The following CTNS variants were observed in gnomAD, a reference collection of about 807,000 sequenced individuals.
CTNS encodes cystinosin, lysosomal cystine transporter.
In CTNS, 27 loss-of-function variants were observed where a neutral mutation model predicts 43.7. The ratio of observed to expected loss-of-function variants is 0.62; its 90% CI spans 0.46 to 0.85. CTNS has a LOEUF of 0.85. Ranked by LOEUF, CTNS falls within the 40% of genes least tolerant of loss-of-function variation. The probability of loss-of-function intolerance (pLI) is 0.00; values close to 1 mark genes in which losing one functional copy is unlikely to be tolerated. For missense variants in CTNS, 457 were observed against 475.4 expected (o/e 0.96, Z 0.36); for synonymous variants, 187 against 190.6 (o/e 0.98, Z 0.16).
At chr17:3,643,837 G>C (rs2075779069) in intron 3 of CTNS, among the ~76,000 whole-genome samples, 1 of 152,166 alleles carries the variant, frequency 6.6e-6, no homozygotes, top group African/African-American at 2.4e-5. Context: ...AAAGTGCTGG[G>C]ATTACAGGCG....
intron 3 of CTNS, among the ~76,000 whole-genome samples, chr17:3,641,175 C>T (rs1046014656): frequency 7.3e-5 from 11 of 151,600 alleles, no homozygotes; most frequent in African/African-American, 2.7e-4. Flanking sequence ...TTTACACGTC[C>T]TTGTAGGAGG....
At chr17:3,647,625 C>A in intron 4 of CTNS, 103 bp downstream of exon 4, 1 of 1,017,536 alleles carries the variant, frequency 9.8e-7, no homozygotes, top group Non-Finnish European at 1.5e-6. Context: ...ATGCGCTATT[C>A]TTGCCTCTTA....
chr17:3,658,305 A>G (rs2076204598), intron 10 of CTNS, 130 bp downstream of exon 10: 1 of 1,289,758 alleles, frequency 7.8e-7, no homozygotes, highest in African/African-American at 1.5e-5. Flanking sequence ...GGAGCCCGGG[A>G]GCCCAGCGGG....
intron 2 of CTNS, 54 bp from the exon 3 acceptor site, chr17:3,640,134 G>C (rs111824707): frequency 3.7e-5 from 52 of 1,408,182 alleles, no homozygotes; most frequent in African/African-American, 3.1e-4. Flanking sequence ...TCTACAGGGA[G>C]CTGAGCTGAT....
In CTNS at chr17:3,650,526, T is replaced by C. The variant is rs2075954419; in HGVS notation, c.225+1595T>C. ...ATAAAATGTTTAAAAATAACAGCAT[T>C]GCTGAGAGGGGATCTCGGAGTGTCC... On this transcript the variant is annotated intron_variant, in intron 5 of 11. Coordinates refer to ENST00000046640, the MANE Select transcript of CTNS (RefSeq NM_004937.3). 8.5e-6 allele frequency: 5 copies of C among 590,228 alleles called. No individual in the cohort carries two copies. The East Asian group carries it at 1.9e-4, about 22-fold the overall frequency. The allele number at this position is 590,228 out of a possible 1,614,324, so 36.6% of individuals were successfully genotyped here.
At chr17:3,638,475 T>G (rs1389093686) in intron 2 of CTNS, among the ~76,000 whole-genome samples, 2 of 151,858 alleles carry the variant, frequency 1.3e-5, no homozygotes, top group Admixed American at 1.3e-4. Context: ...TGACTTCAAG[T>G]GATCCAACTG....
intron 5 of CTNS, among the ~76,000 whole-genome samples, chr17:3,654,662 C>T (rs565738756): frequency 1.9e-4 from 25 of 132,536 alleles, no homozygotes; most frequent in African/African-American, 6.2e-4. Context: ...GCCTGGGTGA[C>T]AGAGCGAGAC....
chr17:3,657,974 G>A (rs1395268773), intron 9 of CTNS, 31 bp from the exon 10 acceptor site: 3 of 1,603,698 alleles, frequency 1.9e-6, no homozygotes, highest in Non-Finnish European at 2.5e-6. Flanking sequence ...CTCTGTGTGG[G>A]TCCACATCTC....
At chr17:3,656,617 C>A in intron 8 of CTNS, 31 bp downstream of exon 8, 2 of 1,612,520 alleles carry the variant, frequency 1.2e-6, no homozygotes, top group Non-Finnish European at 1.7e-6. Context: ...CATCTCTGCC[C>A]ACATGGCGTG....
chr17:3,654,944 G>T (rs761775514), intron 5 of CTNS, 54 bp from the exon 6 acceptor site: 11 of 1,272,998 alleles, frequency 8.6e-6, no homozygotes, highest in African/African-American at 1.5e-5. Flanking sequence ...AGATGCCAGC[G>T]GGGTCCTCGG....
chr17:3,641,564 T>G (rs957952285), intron 3 of CTNS, among the ~76,000 whole-genome samples: 2 of 151,246 alleles, frequency 1.3e-5, no homozygotes, highest in East Asian at 3.9e-4. Flanking sequence ...GCTAGTTTTT[T>G]GTATTTTTAG....
In CTNS at chr17:3,656,725, A is replaced by T; in HGVS notation, c.611A>T (p.Asn204Ile). 2 of 1,613,418 alleles carry T rather than the reference A, an allele frequency of 1.2e-6. 1 individual carries two copies. Among genetic ancestry groups the T allele is most frequent in the South Asian group, 2.2e-5 (2 of 91,062 alleles). The change falls in exon 9 of 12, where the codon AAC becomes ATC. Residue 204 changes from asparagine (N) to isoleucine (I), a missense_variant. Transcript: ENST00000046640. ...AACGGAGTGAACCCCGTGAACAGCA[A>T]CGACGTCTTCTTCAGCCTGCACGCG... is the stretch of plus-strand genomic sequence containing the variant. ...YPNGVNPVNS[N>I]DVFFSLHAVV...
Position 3,641,777 on chromosome 17 carries a change from G to A in CTNS, c.61+1510G>A, listed in dbSNP as rs565914429. On this transcript the variant is annotated intron_variant, in intron 3 of 11. Coordinates refer to ENST00000046640, the MANE Select transcript of CTNS (RefSeq NM_004937.3). The stretch of plus-strand genomic sequence containing the variant: ...TTCCCCAGAGCCTAGCACCATTGCC[G>A]TTATCTGGCCTCTTGCATCTCTGAG... 1.2e-4 allele frequency among the ~76,000 whole-genome samples: 19 copies of A among 152,182 alleles called. No homozygotes were observed. The South Asian group carries it at 2.9e-3, about 23-fold the overall frequency.
In CTNS at chr17:3,647,834, C is replaced by G. The variant is rs994379738; in HGVS notation, c.140+312C>G. ...GTTGAGGCCAGATTTCAAAGCGATT[C>G]TTTCTAAGACTAAGTATTTGAAGAG... On this transcript the variant is annotated intron_variant, in intron 4 of 11. Transcript: ENST00000046640. 9.2e-5 allele frequency among the ~76,000 whole-genome samples: 14 copies of G among 152,310 alleles called. 1 individual carries two copies. Among genetic ancestry groups the G allele is most frequent in the Admixed American group, 3.3e-4 (5 of 15,304 alleles).
At chr17:3,640,065 G>A in intron 2 of CTNS, 123 bp from the exon 3 acceptor site, 6 of 793,236 alleles carry the variant, frequency 7.6e-6, no homozygotes, top group Non-Finnish European at 1.4e-5. Context: ...AAAGCCCTGA[G>A]GTCACAGCTG....
Position 3,640,235 on chromosome 17 carries a change from TC to T in CTNS, c.31del (p.Leu11PhefsTer4). On this transcript the variant is annotated frameshift_variant, in exon 3 of 12. Coordinates refer to ENST00000046640, the MANE Select transcript of CTNS (RefSeq NM_004937.3). LOFTEE classifies it high-confidence loss of function. ...ATAAGGAATTGGCTGACTATTTTTA[TC>T]CTTTTTCCCCTGAAGCTCGTAGAGA... MIRNWLTIF[I>X]LFPLKLVEKC... The T allele has an allele frequency of 6.2e-7, 1 of 1,614,176 alleles. No homozygotes were observed. Among genetic ancestry groups the T allele is most frequent in the Non-Finnish European group, 8.5e-7 (1 of 1,179,976 alleles).
chr17:3,638,430 G>A (rs542020695), intron 2 of CTNS, among the ~76,000 whole-genome samples: 21 of 152,100 alleles, frequency 1.4e-4, no homozygotes, highest in African/African-American at 5.1e-4. Flanking sequence ...TAGAGACGGG[G>A]ATTCACCATG....
At chr17:3,658,720 T>G (rs573391216) in intron 10 of CTNS, among the ~76,000 whole-genome samples, 2 of 152,314 alleles carry the variant, frequency 1.3e-5, no homozygotes, top group East Asian at 3.9e-4. Flanking sequence ...GAAGCCTTGT[T>G]CCAGTGCCCC....
Position 3,660,426 on chromosome 17 carries a change from C to T in CTNS, c.*57C>T, listed in dbSNP as rs2076258365. ...CCTCGTGCCCTGCTGGGGAAGGCCT[C>T]ACCCAGCGAAGGCCGGAGAAGCGGT... On this transcript the variant is annotated 3_prime_UTR_variant, in exon 12 of 12. Transcript: ENST00000046640. The T allele has an allele frequency of 1.2e-6, 2 of 1,613,780 alleles. No homozygotes were observed. The highest frequency in any genetic ancestry group is 1.1e-5 in the South Asian group (1 of 91,032).
Sources: allele counts gnomAD v4.1 joint callset (sites outside exome capture counted in the v4.1 genomes callset), GRCh38; gene constraint gnomAD v4.1.1; transcripts MANE v1.5; gene names NCBI Gene and HGNC (gene_info 2026-07-23, HGNC 2026-07-21).